Variants in GDPD5 observed in about 807,000 individuals in gnomAD.
The protein encoded by GDPD5 is glycerophosphodiester phosphodiesterase 2.
GDPD5 carries 48 observed loss-of-function variants against 75.1 expected under a neutral mutation model. That is an observed-to-expected ratio of 0.64 (90% CI 0.51 to 0.81). The LOEUF (loss-of-function observed/expected upper bound fraction) is 0.81. Among genes scored for constraint, GDPD5 ranks in the 40% least tolerant of loss-of-function variants. The pLI is 0.00. For missense variants in GDPD5, 706 were observed against 822.6 expected, an observed-to-expected ratio of 0.86 and a Z score of 1.73; for synonymous variants, 336 against 339.0, an observed-to-expected ratio of 0.99 and a Z score of 0.10.
At chr11:75,515,624 T>C (rs1420798960) in intron 1 of GDPD5, among the ~76,000 whole-genome samples, 2 of 152,220 alleles carry the variant, frequency 1.3e-5, no homozygotes, top group East Asian at 1.9e-4. Context: ...ACTGTGGCAA[T>C]GACTGCCCAG....
In GDPD5 at chr11:75,449,887, G is replaced by A; in HGVS notation, c.472C>T (p.Gln158Ter). 2.5e-6 allele frequency: 4 copies of A among 1,613,104 alleles called. No homozygotes were observed. The highest frequency in any genetic ancestry group is 2.5e-6 in the Non-Finnish European group (3 of 1,179,400). Reference sequence around the variant, plus strand: ...CCTGGGGGACCCTCCTCACTCACCTGCAGGGAGATCAGCAGCACCTCCCAC... The same window carrying A: ...CCTGGGGGACCCTCCTCACTCACCTACAGGGAGATCAGCAGCACCTCCCAC... ...DEWEVLLISLQGTAPFLHVGA... is the reference protein window; with the variant it reads ...DEWEVLLISL Residue 158 changes from glutamine to a stop codon, truncating the protein, a stop_gained and splice_region_variant, in exon 7 of 17, where the codon CAG (glutamine) becomes TAG (stop). Transcript: ENST00000336898. LOFTEE classifies it high-confidence loss of function.
chr11:75,476,799 G>A (rs1949787974), intron 3 of GDPD5, among the ~76,000 whole-genome samples: 1 of 152,122 alleles, frequency 6.6e-6, no homozygotes, highest in African/African-American at 2.4e-5. Context: ...GCAGACAGGT[G>A]GATAAGCTTC....
At chr11:75,510,863 C>T (rs1420024673) in intron 1 of GDPD5, among the ~76,000 whole-genome samples, 1 of 152,222 alleles carries the variant, frequency 6.6e-6, no homozygotes, top group African/African-American at 2.4e-5. Flanking sequence ...CTCTGCCCCT[C>T]AGGACCTGGG....
Position 75,486,547 on chromosome 11 carries a change from C to T in GDPD5, c.-61+3690G>A, listed in dbSNP as rs147531412. On this transcript the variant is annotated intron_variant, in intron 2 of 16. Transcript: ENST00000336898. Reference sequence around the variant, plus strand: ...CAGGGCCATGGTTTCCATAGGGCTCCGGGATCATGGCCTTGGAGCAGGACC... The same window carrying T: ...CAGGGCCATGGTTTCCATAGGGCTCTGGGATCATGGCCTTGGAGCAGGACC... 3.4e-3 allele frequency among the ~76,000 whole-genome samples: 513 copies of T among 152,286 alleles called. 3 individuals carry two copies. Among genetic ancestry groups the T allele is most frequent in the African/African-American group, 0.012 (494 of 41,548 alleles).
intron 1 of GDPD5, among the ~76,000 whole-genome samples, chr11:75,523,074 C>A (rs925528325): frequency 6.6e-6 from 1 of 152,206 alleles, no homozygotes; most frequent in Non-Finnish European, 1.5e-5. Flanking sequence ...CCCAGACTTC[C>A]TGGTCAAACT....
intron 1 of GDPD5, among the ~76,000 whole-genome samples, chr11:75,507,706 A>C (rs374654552): frequency 3.9e-5 from 6 of 152,356 alleles, no homozygotes; most frequent in African/African-American, 1.4e-4. Context: ...TGGCCAGTGG[A>C]GCACACACAT....
chr11:75,469,752 T>A (rs1476111392), intron 3 of GDPD5, among the ~76,000 whole-genome samples: 3 of 152,168 alleles, frequency 2.0e-5, no homozygotes, highest in Admixed American at 6.5e-5. Flanking sequence ...GGGCAAGAGA[T>A]TAGGACATTA....
At chr11:75,485,656 A>T (rs1950008073) in intron 2 of GDPD5, 1 of 151,864 alleles carries the variant, frequency 6.6e-6, no homozygotes, top group Non-Finnish European at 1.5e-5. Context: ...TAAAGTCCAG[A>T]CTCTCCATGG....
At chr11:75,481,674 AG>A (rs1248348718) in intron 2 of GDPD5, among the ~76,000 whole-genome samples, 2 of 151,966 alleles carry the variant, frequency 1.3e-5, no homozygotes, top group African/African-American at 2.4e-5. Context: ...GCCTTCCCGC[AG>A]GGGTGGGAGG....
chr11:75,462,761 TC>T (rs778030736), intron 4 of GDPD5, 24 bp downstream of exon 4: 8 of 1,439,876 alleles, frequency 5.6e-6, no homozygotes, highest in African/African-American at 4.2e-5. Flanking sequence ...GGCCCCTTCC[TC>T]CCCCACCCAC....
At chr11:75,509,946 T>A (rs528172178) in intron 1 of GDPD5, among the ~76,000 whole-genome samples, 1 of 152,266 alleles carries the variant, frequency 6.6e-6, no homozygotes, top group East Asian at 1.9e-4. Context: ...TCCCAAAGTG[T>A]TGGGATTATA....
intron 2 of GDPD5, among the ~76,000 whole-genome samples, chr11:75,480,365 CT>C: frequency 6.6e-6 from 1 of 151,654 alleles, no homozygotes; most frequent in Non-Finnish European, 1.5e-5. Flanking sequence ...CATATGGTAA[CT>C]TTTGTTTTTG....
chr11:75,485,939 C>A (rs1465719532), intron 2 of GDPD5, among the ~76,000 whole-genome samples: 1 of 152,124 alleles, frequency 6.6e-6, no homozygotes, highest in Non-Finnish European at 1.5e-5. Flanking sequence ...GGAGAGACAC[C>A]CCCCTTCTCC....
In GDPD5 at chr11:75,441,744, T is replaced by C. The variant is rs757886157; in HGVS notation, c.1227A>G (p.Gln409=). The C allele has an allele frequency of 4.3e-6, 7 of 1,611,724 alleles. No individual in the cohort carries two copies. The South Asian group carries it at 4.4e-5, about 10-fold the overall frequency. ...CTGCCTCCTTGGAGCCTGATGTCTG[T>C]TGGAAGCCGGGAGCCACCTTCCGCA... ...PLVRKVAPGF[Q]QTSGSKEAVA... The change falls in exon 13 of 17, where the codon CAA becomes CAG. Residue 409 remains glutamine (Q), a synonymous_variant. Coordinates refer to ENST00000336898, the MANE Select transcript of GDPD5 (RefSeq NM_030792.8).
intron 3 of GDPD5, among the ~76,000 whole-genome samples, chr11:75,463,504 C>A (rs138817128): frequency 5.9e-5 from 9 of 152,176 alleles, no homozygotes; most frequent in Non-Finnish European, 1.2e-4. Context: ...CCAGCTCAGG[C>A]GTCTGCAGGC....
At chr11:75,515,585 C>T (rs932543981) in intron 1 of GDPD5, among the ~76,000 whole-genome samples, 3 of 152,232 alleles carry the variant, frequency 2.0e-5, no homozygotes, top group Non-Finnish European at 4.4e-5. Flanking sequence ...ACATGAGGAA[C>T]ATGTTCTGGG....
rs542106382 is a variant in GDPD5, at chr11:75,468,685, C to CCA, written c.118-5797_118-5796insTG. Among the ~76,000 whole-genome samples, 121 of 152,134 alleles carry CCA rather than the reference C, an allele frequency of 8.0e-4. No individual in the cohort carries two copies. In the South Asian group the frequency reaches 0.013, roughly 16 times the overall value. On this transcript the variant is annotated intron_variant, in intron 3 of 16. Transcript: ENST00000336898. ...GTTACTGCCCTCCCCCGACGCCCCC[C>CCA]CCCCGGGAGGTGGAGCTGAAATCTG...
At chr11:75,505,078 T>C (rs1474251721) in intron 1 of GDPD5, among the ~76,000 whole-genome samples, 1 of 151,152 alleles carries the variant, frequency 6.6e-6, no homozygotes, top group Admixed American at 6.6e-5. Context: ...GCCGAGATCA[T>C]GCCATTGCAC....
At chr11:75,524,939 A>C (rs1028348683) in intron 1 of GDPD5, among the ~76,000 whole-genome samples, 1 of 152,220 alleles carries the variant, frequency 6.6e-6, no homozygotes, top group Non-Finnish European at 1.5e-5. Context: ...GTTAAGCCTC[A>C]GTTTCTCCAT....
Sources: allele counts gnomAD v4.1 joint callset (sites outside exome capture counted in the v4.1 genomes callset), GRCh38; gene constraint gnomAD v4.1.1; transcripts MANE v1.5; gene names NCBI Gene and HGNC (gene_info 2026-07-23, HGNC 2026-07-21).